Variants in SLC7A1 observed in about 807,000 individuals in gnomAD.
SLC7A1 encodes the protein solute carrier family 7 member 1.
Under a neutral mutation model 53.9 loss-of-function variants are expected in SLC7A1, and 10 were observed. The observed-to-expected ratio is 0.19, with a 90% CI of 0.11 to 0.31. SLC7A1 has a LOEUF of 0.31. Ranked by LOEUF, SLC7A1 falls within the 10% of genes least tolerant of loss-of-function variation. The pLI is 1.00. For missense variants in SLC7A1, 525 were observed against 827.2 expected, an observed-to-expected ratio of 0.63 and a Z score of 4.48; for synonymous variants, 342 against 338.7, an observed-to-expected ratio of 1.01 and a Z score of -0.11.
intron 3 of SLC7A1, among the ~76,000 whole-genome samples, chr13:29,533,791 G>A (rs1031549667): frequency 3.9e-5 from 6 of 152,190 alleles, no homozygotes; most frequent in Admixed American, 3.9e-4. Flanking sequence ...TCTAAAGGGT[G>A]TCAGAATGTG....
At chr13:29,536,966 T>C (rs1351510751) in intron 2 of SLC7A1, among the ~76,000 whole-genome samples, 1 of 152,236 alleles carries the variant, frequency 6.6e-6, no homozygotes, top group Non-Finnish European at 1.5e-5. Context: ...ACATGGGACA[T>C]GCCCCATTAG....
intron 3 of SLC7A1, 151 bp from the exon 4 acceptor site, chr13:29,533,133 C>A: frequency 1.4e-6 from 1 of 737,710 alleles, no homozygotes; most frequent in Non-Finnish European, 2.1e-6. Context: ...GTATGCTGAG[C>A]CAGAAGTGAC....
intron 1 of SLC7A1, among the ~76,000 whole-genome samples, chr13:29,579,922 T>TCGTCCTCCTA (rs1871571498): frequency 1.3e-5 from 2 of 152,296 alleles, no homozygotes; most frequent in South Asian, 4.2e-4. Flanking sequence ...GTCTCTGTCA[T>TCGTCCTCCTA]CGTCCTCCTA....
chr13:29,560,531 T>G (rs60028297), intron 1 of SLC7A1, among the ~76,000 whole-genome samples: 1 of 151,686 alleles, frequency 6.6e-6, no homozygotes, highest in African/African-American at 2.4e-5. Context: ...TGTATTACTA[T>G]TACATAGTAA....
intron 2 of SLC7A1, among the ~76,000 whole-genome samples, chr13:29,552,075 C>A (rs1870216804): frequency 6.6e-6 from 1 of 152,258 alleles, no homozygotes; most frequent in African/African-American, 2.4e-5. Context: ...CCCAGAAGTC[C>A]TTCTGATTAA....
intron 12 of SLC7A1, among the ~76,000 whole-genome samples, chr13:29,514,854 C>A (rs1883509424): frequency 6.6e-6 from 1 of 152,226 alleles, no homozygotes; most frequent in Non-Finnish European, 1.5e-5. Flanking sequence ...AGCAGCTGGG[C>A]CAGGGCCACC....
At chr13:29,569,491 G>T (rs952537528) in intron 1 of SLC7A1, among the ~76,000 whole-genome samples, 4 of 152,200 alleles carry the variant, frequency 2.6e-5, no homozygotes, top group African/African-American at 9.6e-5. Flanking sequence ...AGCTCTGGAT[G>T]TCTGCAGCTA....
chr13:29,578,716 C>T (rs1871515387), intron 1 of SLC7A1, among the ~76,000 whole-genome samples: 1 of 152,236 alleles, frequency 6.6e-6, no homozygotes, highest in Non-Finnish European at 1.5e-5. Context: ...TCACTGGGTA[C>T]TCTGAGAGCT....
chr13:29,542,663 C>G (rs1175734925), intron 2 of SLC7A1, among the ~76,000 whole-genome samples: 1 of 134,828 alleles, frequency 7.4e-6, no homozygotes, highest in African/African-American at 2.9e-5. Flanking sequence ...GCACTCCAGA[C>G]AGAGGGAGAC....
At chr13:29,533,084 C>T (rs1190887792) in intron 3 of SLC7A1, 102 bp from the exon 4 acceptor site, 11 of 1,185,452 alleles carry the variant, frequency 9.3e-6, no homozygotes, top group South Asian at 1.7e-5. Flanking sequence ...GAGTCACCGA[C>T]GGTGCACTGG....
At position 29,532,861 on chromosome 13, in the gene SLC7A1, G is replaced by C; in HGVS notation, c.492C>G (p.Pro164=). 1 of 1,614,014 alleles carries C rather than the reference G, an allele frequency of 6.2e-7. No homozygotes were observed. ...GAATTATGATCACTGCGAATATGTC[G>C]GGGTTTTCAGCCAGCACGCCGGGGG... ...LNAPGVLAEN[P]DIFAVIIILI... Residue 164 remains proline, a synonymous_variant, in exon 4 of 13, where the codon CCC becomes CCG. Transcript: ENST00000380752.
At chr13:29,566,085 T>C (rs746521328) in intron 1 of SLC7A1, among the ~76,000 whole-genome samples, 1 of 152,246 alleles carries the variant, frequency 6.6e-6, no homozygotes, top group African/African-American at 2.4e-5. Context: ...GCAGCAGCGA[T>C]GGTTGTACAA....
At chr13:29,588,654 C>T (rs1033813416) in intron 1 of SLC7A1, among the ~76,000 whole-genome samples, 1 of 151,972 alleles carries the variant, frequency 6.6e-6, no homozygotes, top group Admixed American at 6.6e-5. Flanking sequence ...TAGGCATGCG[C>T]CACCAACACC....
rs899154880 is a variant in SLC7A1 at position 29,567,651 on chromosome 13, C to T, written c.-114-13791G>A. On this transcript the variant is annotated intron_variant, in intron 1 of 12. Transcript: ENST00000380752. ...GTTTACAAGCTGCTGGGTACAACTC[C>T]CTGCAGGCGGGCATCCCTCCCACGG... Among the ~76,000 whole-genome samples, 7 of 152,174 alleles carry T rather than the reference C, an allele frequency of 4.6e-5. No homozygotes were observed. The East Asian group carries it at 1.4e-3, about 29-fold the overall frequency.
chr13:29,562,956 C>T (rs907608260), intron 1 of SLC7A1, among the ~76,000 whole-genome samples: 1 of 152,192 alleles, frequency 6.6e-6, no homozygotes, highest in Non-Finnish European at 1.5e-5. Context: ...ATTCATCCTT[C>T]CTTTGAGATG....
chr13:29,517,698 T>C lies in SLC7A1; in HGVS notation c.1385A>G (p.Asn462Ser), dbSNP rs766088631. The change falls in exon 10 of 13, where the codon AAT becomes AGT. Residue 462 changes from asparagine to serine, a missense_variant. By Grantham distance (46) the Asn-to-Ser change is conservative. Transcript: ENST00000380752. ...TGGTAAAAAGCCCAGCTGGGAATCA[T>C]TGGTGCTTGCCAATTCATTTTGGTC... ...PADQNELAST[N>S]DSQLGFLPEA... The C allele has an allele frequency of 1.1e-5, 18 of 1,614,100 alleles. No individual in the cohort carries two copies. Among genetic ancestry groups the C allele is most frequent in the South Asian group, 5.5e-5 (5 of 91,090 alleles).
At chr13:29,530,465 G>T in intron 5 of SLC7A1, 73 bp downstream of exon 5, 3 of 1,321,930 alleles carry the variant, frequency 2.3e-6, no homozygotes, top group Admixed American at 1.9e-5. Context: ...TGCCATCCTA[G>T]CCAGTTATAT....
rs1196347014 is a variant in SLC7A1, at chr13:29,509,500, G to C, written c.*4980C>G. ...TGATTTTACAACATAAAGTATGGTA[G>C]GAAGTGGTCAATGTACACAGTGTTG... On this transcript the variant is annotated 3_prime_UTR_variant, in exon 13 of 13. Coordinates refer to ENST00000380752, the MANE Select transcript of SLC7A1 (RefSeq NM_003045.5). 6.6e-6 allele frequency: 1 copy of C among 152,650 alleles called. No homozygotes were observed. Among genetic ancestry groups the C allele is most frequent in the African/African-American group, 2.4e-5 (1 of 41,462 alleles). 9.5% of individuals were successfully genotyped at this position (152,650 alleles called of 1,614,324 possible).
At chr13:29,592,320 G>A (rs1872145000) in intron 1 of SLC7A1, among the ~76,000 whole-genome samples, 1 of 152,212 alleles carries the variant, frequency 6.6e-6, no homozygotes, top group South Asian at 2.1e-4. Flanking sequence ...GGCAGGAGGG[G>A]CAAACCACAG....
Sources: allele counts gnomAD v4.1 joint callset (sites outside exome capture counted in the v4.1 genomes callset), GRCh38; gene constraint gnomAD v4.1.1; transcripts MANE v1.5; gene names NCBI Gene and HGNC (gene_info 2026-07-23, HGNC 2026-07-21).